The following HDAC7 variants were observed in gnomAD, a reference collection of about 807,000 sequenced individuals.
HDAC7 encodes histone deacetylase 7.
HDAC7 carries 26 observed loss-of-function variants against 115.5 expected under a neutral mutation model. The observed-to-expected ratio is 0.23, with a 90% CI of 0.16 to 0.31. The LOEUF (loss-of-function observed/expected upper bound fraction) is 0.31. Among genes scored for constraint, HDAC7 ranks in the 10% least tolerant of loss-of-function variants. The probability of loss-of-function intolerance (pLI) is 1.00; values close to 1 mark genes in which losing one functional copy is unlikely to be tolerated. For synonymous variants in HDAC7, 564 were observed against 550.9 expected (o/e 1.02, Z -0.33); for missense variants, 1,068 against 1,329.0 (o/e 0.80, Z 3.05).
upstream of HDAC7, among the ~76,000 whole-genome samples, chr12:47,820,833 C>T (rs746525384): frequency 6.6e-6 from 1 of 151,916 alleles, no homozygotes; most frequent in Non-Finnish European, 1.5e-5. This position sits in a 1 kb window ranked among gnomAD's most constrained non-coding sequence, Gnocchi z 4.3. Context: ...AGTCGGAATG[C>T]AGCCGCCTCC....
chr12:47,797,895 T>TGTGTGTGTGTGTGTGTGTGTGTGA lies in HDAC7; in HGVS notation c.461+212_461+213insTCACACACACACACACACACACAC, dbSNP rs35753431. On this transcript the variant is annotated intron_variant, in intron 5 of 25. Transcript: ENST00000080059. The surrounding 1 kb of genome is among the most constrained non-coding windows in gnomAD (Gnocchi z 5.5). ...GTGTGTGTGTGTGTGTGTGTGTGTG[T>TGTGTGTGTGTGTGTGTGTGTGTGA]GAGAAGGGCTCAGGTGGGGTGGGGA... Among the ~76,000 whole-genome samples, 11 of 143,356 alleles carry TGTGTGTGTGTGTGTGTGTGTGTGA rather than the reference T, an allele frequency of 7.7e-5. No individual in the cohort carries two copies. Among genetic ancestry groups the TGTGTGTGTGTGTGTGTGTGTGTGA allele is most frequent in the African/African-American group, 2.5e-4 (9 of 36,396 alleles). The allele number at this position is 143,356 out of a possible 152,430, so 94.0% of individuals were successfully genotyped here. A position where few individuals can be genotyped will look rare whatever the true frequency, so the allele number is the denominator to read the frequency against.
At position 47,797,284 on chromosome 12, in the gene HDAC7, T is replaced by C; in HGVS notation, c.577+100A>G. ...AGATCCTAGCCTACCGATGATCTCC[T>C]GGCCCAGCCCAGCCCGCCCACCCCT... is the stretch of plus-strand genomic sequence containing the variant. On this transcript the variant is annotated intron_variant, in intron 6 of 25. Transcript: ENST00000080059. This position sits in a 1 kb window ranked among gnomAD's most constrained non-coding sequence, Gnocchi z 5.5. 1.3e-6 allele frequency: 2 copies of C among 1,521,822 alleles called. No individual in the cohort carries two copies. Among genetic ancestry groups the C allele is most frequent in the Non-Finnish European group, 1.8e-6 (2 of 1,106,626 alleles). 94.3% of individuals were successfully genotyped at this position (1,521,822 alleles called of 1,614,324 possible). A position where few individuals can be genotyped will look rare whatever the true frequency, so the allele number is the denominator to read the frequency against.
chr12:47,796,278 T>C lies in HDAC7; in HGVS notation c.724A>G (p.Ser242Gly). 1 of 1,598,686 alleles carries C rather than the reference T, an allele frequency of 6.3e-7. No homozygotes were observed. Among genetic ancestry groups the C allele is most frequent in the Non-Finnish European group, 8.5e-7 (1 of 1,175,694 alleles). The change falls in exon 8 of 26, where the codon AGC (serine) becomes GGC (glycine). Residue 242 changes from serine (S) to glycine (G), a missense_variant. By Grantham distance (56) the Ser-to-Gly change is moderately conservative. Coordinates refer to ENST00000080059, the MANE Select transcript of HDAC7 (RefSeq NM_015401.5). ...TLGDSSPSSS[S>G]TPASGCSSPN... ...GAGCTGCACCCTGATGCGGGCGTGC[T>C]GCTACTACTTGGGGAGGAGTCTGAG... is the stretch of plus-strand genomic sequence containing the variant.
chr12:47,818,246 C>T (rs1944906097), intron 1 of HDAC7, among the ~76,000 whole-genome samples: 1 of 152,164 alleles, frequency 6.6e-6, no homozygotes, highest in Admixed American at 6.5e-5. Flanking sequence ...CCAGGTGCAA[C>T]ATCAGGAGGC....
intron 1 of HDAC7, among the ~76,000 whole-genome samples, chr12:47,814,003 A>T (rs760125526): frequency 1.3e-5 from 2 of 152,204 alleles, no homozygotes; most frequent in Non-Finnish European, 2.9e-5. Context: ...TGTGAAAGTT[A>T]ACCTCCTGAG....
At chr12:47,800,679 G>T (rs898688755) in intron 2 of HDAC7, among the ~76,000 whole-genome samples, 1 of 152,168 alleles carries the variant, frequency 6.6e-6, no homozygotes, top group African/African-American at 2.4e-5. Context: ...CTGGCTTCCC[G>T]GGGTGACTCC....
At chr12:47,791,407 G>C (rs1359063527) in intron 15 of HDAC7, 99 bp from the exon 16 acceptor site, 1 of 1,401,856 alleles carries the variant, frequency 7.1e-7, no homozygotes, top group Non-Finnish European at 9.7e-7. Context: ...TGAGTATTGG[G>C]GGAGAGAAAT....
chr12:47,792,070 G>A, intron 13 of HDAC7, 66 bp from the exon 14 acceptor site: 1 of 1,506,552 alleles, frequency 6.6e-7, no homozygotes, highest in South Asian at 1.3e-5. Flanking sequence ...TGGCTGCAGA[G>A]AACACGCCAG....
Position 47,798,827 on chromosome 12 carries a change from G to A in HDAC7, c.216C>T (p.Phe72=), listed in dbSNP as rs1254034201. Residue 72 remains phenylalanine, a synonymous_variant, in exon 3 of 26, where the codon TTC becomes TTT. Transcript: ENST00000080059. This position sits in a 1 kb window ranked among gnomAD's most constrained non-coding sequence, Gnocchi z 4.3. The part of the protein sequence containing the change: ...QRPQRLHHHL[F]LAGLQQQRSV... ...AGCGCTGCTGCTGCAGGCCTGCTAG[G>A]AAGAGGTGGTGGTGCAGGCGCTGGG... 2.6e-6 allele frequency: 4 copies of A among 1,559,846 alleles called. No individual in the cohort carries two copies. Among genetic ancestry groups the A allele is most frequent in the Non-Finnish European group, 3.5e-6 (4 of 1,151,612 alleles).
chr12:47,807,660 C>T (rs955223618), intron 1 of HDAC7, among the ~76,000 whole-genome samples: 1 of 152,136 alleles, frequency 6.6e-6, no homozygotes, highest in East Asian at 1.9e-4. Context: ...TCACACAGCC[C>T]CACAGAGACC....
chr12:47,808,665 C>A (rs1323017732), intron 1 of HDAC7, among the ~76,000 whole-genome samples: 3 of 152,216 alleles, frequency 2.0e-5, no homozygotes, highest in Non-Finnish European at 4.4e-5. Flanking sequence ...GCCTTCCCTG[C>A]AAGTCCATTG....
chr12:47,820,481 G>C (rs1944990536), upstream of HDAC7: 1 of 152,214 alleles, frequency 6.6e-6, no homozygotes, highest in African/African-American at 2.4e-5. This position sits in a 1 kb window ranked among gnomAD's most constrained non-coding sequence, Gnocchi z 4.3. Context: ...AGCACGACTT[G>C]CCTCAGGAAA....
chr12:47,791,156 CCA>C, intron 16 of HDAC7, 101 bp downstream of exon 16: 1 of 1,169,682 alleles, frequency 8.5e-7, no homozygotes, highest in Non-Finnish European at 1.2e-6. Context: ...TCTGGCAGAA[CCA>C]CAACAAGCAG....
Position 47,791,299 on chromosome 12 carries a change from G to A in HDAC7, c.1943C>T (p.Ala648Val). The change falls in exon 16 of 26, where the codon GCA becomes GTA. Residue 648 changes from alanine to valine, a missense_variant. Physicochemically the swap from Ala to Val is moderately conservative, Grantham distance 64 (BLOSUM62 0). Coordinates refer to ENST00000080059, the MANE Select transcript of HDAC7 (RefSeq NM_015401.5). ...GGGCAGCATCACAAACATCCGCTGT[G>A]CCAGGAGCCCTGCGGGGAGAGGCCC... The part of the protein sequence containing the change: ...LDNGKLAGLL[A>V]QRMFVMLPCG... 1.9e-6 allele frequency: 3 copies of A among 1,597,726 alleles called. No individual in the cohort carries two copies. Among genetic ancestry groups the A allele is most frequent in the Non-Finnish European group, 2.6e-6 (3 of 1,172,132 alleles).
At chr12:47,810,717 A>G (rs2137052058) in intron 1 of HDAC7, among the ~76,000 whole-genome samples, 1 of 152,120 alleles carries the variant, frequency 6.6e-6, no homozygotes. Context: ...GGAAACTGTC[A>G]AGCCCTCTAC....
rs372098101 is a variant in HDAC7 at position 47,791,570 on chromosome 12, G to C, written c.1933+16C>G. 21 of 1,597,320 alleles carry C rather than the reference G, an allele frequency of 1.3e-5. No individual in the cohort carries two copies. In the South Asian group the frequency reaches 2.1e-4, roughly 16 times the overall value. On this transcript the variant is annotated intron_variant, in intron 15 of 25. Coordinates refer to ENST00000080059, the MANE Select transcript of HDAC7 (RefSeq NM_015401.5). ...AGGTAAGCTGGCATGGGGAGACAGG[G>C]CCACTAGGCCATTACCTGCCAGCTT... is the stretch of plus-strand genomic sequence containing the variant.
rs1185849047 is a variant in HDAC7, at chr12:47,798,480, C to G, written c.349+82G>C. On this transcript the variant is annotated intron_variant, in intron 4 of 25. Transcript: ENST00000080059. This position sits in a 1 kb window ranked among gnomAD's most constrained non-coding sequence, Gnocchi z 4.3. ...GGCCCAGCTGGCTGCGGCCCTCCCACCTCACCCCTCACAAGCCACACAGGC... is the reference window on the plus strand; with the variant it reads ...GGCCCAGCTGGCTGCGGCCCTCCCAGCTCACCCCTCACAAGCCACACAGGC... 3.4e-5 allele frequency: 44 copies of G among 1,312,562 alleles called. No homozygotes were observed. In the South Asian group the frequency reaches 5.3e-4, roughly 16 times the overall value. The allele number at this position is 1,312,562 out of a possible 1,614,324, so 81.3% of individuals were successfully genotyped here.
chr12:47,799,082 A>C, intron 2 of HDAC7, 110 bp from the exon 3 acceptor site: 1 of 694,364 alleles, frequency 1.4e-6, no homozygotes, highest in Non-Finnish European at 2.3e-6. Flanking sequence ...ATGGCAAAAC[A>C]CTCTCATGGG....
chr12:47,796,899 A>C, intron 7 of HDAC7, 118 bp downstream of exon 7: 1 of 1,184,688 alleles, frequency 8.4e-7, no homozygotes, highest in Non-Finnish European at 1.1e-6. Flanking sequence ...GGACACCCCC[A>C]TGCAACCACG....
Sources: allele counts gnomAD v4.1 joint callset (sites outside exome capture counted in the v4.1 genomes callset), GRCh38; gene constraint gnomAD v4.1.1; non-coding constraint Gnocchi (gnomAD v3.1); transcripts MANE v1.5; gene names NCBI Gene and HGNC (gene_info 2026-07-23, HGNC 2026-07-21).